The following BTBD10 variants were observed in gnomAD, a reference collection of about 807,000 sequenced individuals.
BTBD10 encodes the protein BTB domain containing 10, also known as BTB/POZ domain-containing protein 10.
Under a neutral mutation model 53.2 loss-of-function variants are expected in BTBD10, and 21 were observed. The observed-to-expected ratio is 0.39, with a 90% confidence interval of 0.28 to 0.57. The LOEUF is 0.57. BTBD10 is among the 20% of genes least tolerant of loss of function. The pLI, the probability that BTBD10 is intolerant of heterozygous loss-of-function variation, is 0.53. For missense variants in BTBD10, 360 were observed against 594.7 expected (o/e 0.61, Z 4.10); for synonymous variants, 149 against 192.7 (o/e 0.77, Z 1.88).
chr11:13,397,013 G>T (rs1009155416), intron 8 of BTBD10, among the ~76,000 whole-genome samples: 3 of 152,176 alleles, frequency 2.0e-5, no homozygotes, highest in African/African-American at 7.2e-5. Context: ...TTTTCTGGTT[G>T]TGTCTCTGCC....
At position 13,445,067 on chromosome 11, in the gene BTBD10, G is replaced by A. The variant is rs553554748; in HGVS notation, c.58C>T (p.Arg20Trp). Reference protein sequence around the residue: ...GNSSDPENWDRKLHSRPRKLY... With the variant: ...GNSSDPENWDWKLHSRPRKLY... ...TTACGAGGTCTACTATGCAATTTCC[G>A]ATCCCAATTCTCTGGATCACTGGAG... Residue 20 changes from arginine to tryptophan, a missense_variant, in exon 2 of 9, where the codon CGG becomes TGG. Arg to Trp is a moderately radical substitution (Grantham distance 101, BLOSUM62 -3). Around this residue, in one of 6 missense-constraint regions of BTBD10, gnomAD observed 81 missense variants for 82.6 expected, o/e 0.98. Coordinates refer to ENST00000278174, the MANE Select transcript of BTBD10 (RefSeq NM_032320.7). The A allele has an allele frequency of 4.2e-5, 67 of 1,613,054 alleles. No homozygotes were observed. The Admixed American group carries it at 5.8e-4, about 14-fold the overall frequency.
chr11:13,429,652 C>T (rs567841184), intron 2 of BTBD10, among the ~76,000 whole-genome samples: 1 of 151,470 alleles, frequency 6.6e-6, no homozygotes, highest in East Asian at 1.9e-4. Context: ...TAGTTCCCAT[C>T]ATATGCAAAA....
intron 1 of BTBD10, among the ~76,000 whole-genome samples, chr11:13,450,235 G>C (rs961116708): frequency 6.6e-6 from 1 of 152,134 alleles, no homozygotes; most frequent in African/African-American, 2.4e-5. Context: ...AAGCCAAGAC[G>C]ACACCTGAGA....
intron 8 of BTBD10, among the ~76,000 whole-genome samples, chr11:13,394,633 T>C (rs1399915240): frequency 6.6e-6 from 1 of 152,182 alleles, no homozygotes; most frequent in Non-Finnish European, 1.5e-5. Context: ...GCCATGTTGG[T>C]GTGCTGCACC....
In BTBD10 at chr11:13,445,132, C is replaced by T. The variant is rs770444358; in HGVS notation, c.-8G>A. 1 of 1,604,186 alleles carries T rather than the reference C, an allele frequency of 6.2e-7. No individual in the cohort carries two copies. Among genetic ancestry groups the T allele is most frequent in the Non-Finnish European group, 8.5e-7 (1 of 1,171,316 alleles). ...ATGAGGCCGTCCTGCCATCCCACTC[C>T]AAGCTTCCTCACACTACTGCTCTGA... On this transcript the variant is annotated 5_prime_UTR_variant, in exon 2 of 9. Transcript: ENST00000278174.
At chr11:13,420,252 C>G (rs1032516075) in intron 3 of BTBD10, among the ~76,000 whole-genome samples, 10 of 150,922 alleles carry the variant, frequency 6.6e-5, no homozygotes, top group Non-Finnish European at 1.3e-4. Flanking sequence ...CAATTTATCT[C>G]AAAAAAAGAA....
chr11:13,415,262 G>C (rs189768989), intron 5 of BTBD10, among the ~76,000 whole-genome samples: 267 of 152,104 alleles, frequency 1.8e-3, no homozygotes, highest in African/African-American at 6.1e-3. Flanking sequence ...AAAAGAATGA[G>C]GGTGGTGACC....
At chr11:13,410,593 C>A (rs1358947412) in intron 6 of BTBD10, among the ~76,000 whole-genome samples, 1 of 152,000 alleles carries the variant, frequency 6.6e-6, no homozygotes, top group Non-Finnish European at 1.5e-5. Context: ...TGTTCAAAAT[C>A]TTCTAGCCAA....
chr11:13,458,005 A>C (rs1264973039), intron 1 of BTBD10, among the ~76,000 whole-genome samples: 1 of 152,094 alleles, frequency 6.6e-6, no homozygotes, highest in Admixed American at 6.6e-5. Flanking sequence ...CAGTTTCAAA[A>C]TTAACAGCCA....
At chr11:13,397,620 T>A (rs1302396344) in intron 8 of BTBD10, among the ~76,000 whole-genome samples, 2 of 152,228 alleles carry the variant, frequency 1.3e-5, no homozygotes, top group Admixed American at 1.3e-4. Context: ...TCTAGTTCTT[T>A]TAATTGTGAT....
intron 2 of BTBD10, chr11:13,439,927 A>G (rs1420746603): frequency 1.4e-5 from 22 of 1,534,718 alleles, no homozygotes; most frequent in Middle Eastern, 1.7e-4. Flanking sequence ...AAACAAGAAA[A>G]AAATTTTGAA....
intron 8 of BTBD10, among the ~76,000 whole-genome samples, chr11:13,389,939 C>T (rs1949363504): frequency 2.0e-5 from 3 of 152,074 alleles, no homozygotes; most frequent in Admixed American, 1.3e-4. Flanking sequence ...ATTTTAACCT[C>T]CCATATCATT....
intron 5 of BTBD10, among the ~76,000 whole-genome samples, chr11:13,416,565 C>T (rs779687123): frequency 4.6e-5 from 7 of 152,066 alleles, no homozygotes; most frequent in Non-Finnish European, 7.4e-5. Context: ...AATATGACTC[C>T]AGAAATGTTA....
At chr11:13,447,749 T>G (rs1950776747) in intron 1 of BTBD10, among the ~76,000 whole-genome samples, 1 of 152,184 alleles carries the variant, frequency 6.6e-6, no homozygotes, top group Non-Finnish European at 1.5e-5. Flanking sequence ...CACATTTCAT[T>G]TGTCAATAAA....
At chr11:13,393,485 C>T (rs1949459298) in intron 8 of BTBD10, among the ~76,000 whole-genome samples, 1 of 151,978 alleles carries the variant, frequency 6.6e-6, no homozygotes, top group Admixed American at 6.6e-5. Flanking sequence ...AATTTTTTTT[C>T]TGTAATTCCA....
In BTBD10 at chr11:13,440,064, C is replaced by G. The variant is rs1051988174; in HGVS notation, c.101+4960G>C. The G allele has an allele frequency of 6.5e-6, 10 of 1,528,982 alleles. 1 individual carries two copies. The South Asian group carries it at 1.1e-4, about 16-fold the overall frequency. 94.7% of individuals were successfully genotyped at this position (1,528,982 alleles called of 1,614,324 possible). ...CCATCATCTTCAAGATTCCTCTGAA[C>G]AATCAGAAAATTCCCCAGTCTCCCC... On this transcript the variant is annotated intron_variant, in intron 2 of 8. Coordinates refer to ENST00000278174, the MANE Select transcript of BTBD10 (RefSeq NM_032320.7).
rs544570175 is a variant in BTBD10 at position 13,440,925 on chromosome 11, TA to T, written c.101+4098del. 1.3e-3 allele frequency among the ~76,000 whole-genome samples: 202 copies of T among 152,284 alleles called. 1 individual carries two copies. Among genetic ancestry groups the T allele is most frequent in the African/African-American group, 4.8e-3 (198 of 41,568 alleles). On this transcript the variant is annotated intron_variant, in intron 2 of 8. Coordinates refer to ENST00000278174, the MANE Select transcript of BTBD10 (RefSeq NM_032320.7). ...GCAAAAGCTCCTCTAATTCATAATT[TA>T]AAAAGAAGTTGTCACAAATTCAGGC... is the stretch of plus-strand genomic sequence containing the variant.
chr11:13,407,807 A>G (rs943913938), intron 6 of BTBD10, among the ~76,000 whole-genome samples: 1 of 152,212 alleles, frequency 6.6e-6, no homozygotes, highest in Non-Finnish European at 1.5e-5. Context: ...TTTGGAGGCT[A>G]AGTCAAAAGA....
intron 2 of BTBD10, among the ~76,000 whole-genome samples, chr11:13,433,413 A>C (rs919178550): frequency 1.1e-4 from 16 of 152,202 alleles, no homozygotes; most frequent in Admixed American, 9.2e-4. Context: ...CTCAATAAAG[A>C]AGCAATATTT....
Sources: allele counts gnomAD v4.1 joint callset (sites outside exome capture counted in the v4.1 genomes callset), GRCh38; gene constraint gnomAD v4.1.1; regional missense constraint gnomAD v4.1.1; transcripts MANE v1.5; gene names NCBI Gene and HGNC (gene_info 2026-07-23, HGNC 2026-07-21).